TRPV4: variants seen among roughly 807,000 people sequenced by gnomAD.
The protein encoded by TRPV4 is transient receptor potential cation channel subfamily V member 4.
In TRPV4, 58 loss-of-function variants were observed where a neutral mutation model predicts 84.1. That is an observed-to-expected ratio of 0.69 (90% CI 0.56 to 0.86). The LOEUF is 0.86. Ranked by LOEUF, TRPV4 falls within the 40% of genes least tolerant of loss-of-function variation. The pLI is 0.00. For missense variants in TRPV4, 879 were observed against 1,181.1 expected, an observed-to-expected ratio of 0.74 and a Z score of 3.75; for synonymous variants, 489 against 500.9, an observed-to-expected ratio of 0.98 and a Z score of 0.32.
rs1333406383 is a variant in TRPV4, at chr12:109,815,991, G to T, written c.-31-1164C>A. ...CTGTAGCATGGTGCCAGCCAGGCAG[G>T]GCTGGGCACCAAGGGTGAGTTTCCT... On this transcript the variant is annotated intron_variant, in intron 1 of 15. Coordinates refer to ENST00000261740, the MANE Select transcript of TRPV4 (RefSeq NM_021625.5). This position sits in a 1 kb window ranked among gnomAD's most constrained non-coding sequence, Gnocchi z 4.1. Among the ~76,000 whole-genome samples, 1 of 152,244 alleles carries T rather than the reference G, an allele frequency of 6.6e-6. No individual in the cohort carries two copies. Among genetic ancestry groups the T allele is most frequent in the Non-Finnish European group, 1.5e-5 (1 of 68,044 alleles).
intron 3 of TRPV4, among the ~76,000 whole-genome samples, chr12:109,806,873 GA>G (rs533116934): frequency 0.21 from 19,244 of 93,758 alleles, 1,256 homozygotes; most frequent in South Asian, 0.3. Flanking sequence ...AAAAAAAAAA[GA>G]AAAAAAAAAA....
chr12:109,802,223 G>A (rs903101344), intron 4 of TRPV4, among the ~76,000 whole-genome samples: 3 of 150,208 alleles, frequency 2.0e-5, no homozygotes, highest in Admixed American at 6.6e-5. Flanking sequence ...TTGACCCTCT[G>A]AGCTCAAGTG....
intron 12 of TRPV4, 25 bp downstream of exon 12, chr12:109,792,338 G>A (rs745900221): frequency 1.2e-6 from 2 of 1,610,934 alleles, no homozygotes; most frequent in East Asian, 4.5e-5. Flanking sequence ...CCCCTGCCAG[G>A]ACCACCTGAG....
chr12:109,828,367 C>A (rs1892324070), intron 1 of TRPV4, among the ~76,000 whole-genome samples: 1 of 152,154 alleles, frequency 6.6e-6, no homozygotes, highest in Non-Finnish European at 1.5e-5. Flanking sequence ...AACCAATGCT[C>A]AGGAAGGGGC....
At position 109,793,488 on chromosome 12, in the gene TRPV4, C is replaced by T. The variant is rs760610613; in HGVS notation, c.1658+39G>A. 5.1e-6 allele frequency: 8 copies of T among 1,576,662 alleles called. No individual in the cohort carries two copies. In the Admixed American group the frequency reaches 6.7e-5, roughly 13 times the overall value. On this transcript the variant is annotated intron_variant, in intron 10 of 15. Transcript: ENST00000261740. This position sits in a 1 kb window ranked among gnomAD's most constrained non-coding sequence, Gnocchi z 4.0. The stretch of plus-strand genomic sequence containing the variant: ...CGACCTAGCAGCCCAAACCCACCTT[C>T]CTCACCCAGAAGCTGCCGGCCCAGG...
intron 1 of TRPV4, chr12:109,832,431 C>G (rs1214517794): frequency 6.6e-6 from 1 of 152,284 alleles, no homozygotes; most frequent in East Asian, 1.9e-4. Flanking sequence ...GGGTTCACGG[C>G]CCCTCTGCCC....
Position 109,794,478 on chromosome 12 carries a change from C to T in TRPV4, c.1342G>A (p.Glu448Lys), listed in dbSNP as rs373103155. Residue 448 changes from glutamate to lysine, a missense_variant, in exon 8 of 16, where the codon GAG becomes AAG. Coordinates refer to ENST00000261740, the MANE Select transcript of TRPV4 (RefSeq NM_021625.5). The stretch of plus-strand genomic sequence containing the variant: ...TTGATGGGCTCCACAGCCAGCATCT[C>T]GTGGCGGTTCTAAGAGAGGCAGGGT... ...VYNSKIENRH[E>K]MLAVEPINEL... The T allele has an allele frequency of 5.6e-6, 9 of 1,613,688 alleles. No homozygotes were observed. Among genetic ancestry groups the T allele is most frequent in the Admixed American group, 5.0e-5 (3 of 60,002 alleles).
chr12:109,828,602 G>A (rs185846687), intron 1 of TRPV4, among the ~76,000 whole-genome samples: 23 of 152,364 alleles, frequency 1.5e-4, no homozygotes, highest in Admixed American at 1.3e-3. Context: ...GCCACTTTCT[G>A]AGGTCACAGA....
intron 1 of TRPV4, among the ~76,000 whole-genome samples, chr12:109,823,260 G>T (rs942483100): frequency 1.3e-5 from 2 of 152,212 alleles, no homozygotes; most frequent in Admixed American, 6.5e-5. Flanking sequence ...GCCTGTCCAG[G>T]ACAGACAGAG....
intron 4 of TRPV4, among the ~76,000 whole-genome samples, chr12:109,801,420 G>C (rs1393687717): frequency 1.3e-5 from 2 of 152,178 alleles, no homozygotes. Context: ...GTCCTCAAGA[G>C]ATCTGATGAT....
At chr12:109,829,809 A>C (rs963774962) in intron 1 of TRPV4, among the ~76,000 whole-genome samples, 2 of 152,226 alleles carry the variant, frequency 1.3e-5, no homozygotes, top group Admixed American at 6.5e-5. Context: ...GTTTAAGCCC[A>C]GGCCTGTCTG....
chr12:109,792,895 C>A, intron 10 of TRPV4, 78 bp from the exon 11 acceptor site: 1 of 1,498,302 alleles, frequency 6.7e-7, no homozygotes, highest in Non-Finnish European at 9.2e-7. Flanking sequence ...GACACGCCTC[C>A]AAGCCCTCCA....
intron 1 of TRPV4, among the ~76,000 whole-genome samples, chr12:109,831,579 G>A (rs1453684875): frequency 6.6e-6 from 1 of 152,256 alleles, no homozygotes; most frequent in Non-Finnish European, 1.5e-5. Flanking sequence ...AGCTTGCAGA[G>A]AGCATTTGCT....
rs769107613 is a variant in TRPV4, at chr12:109,803,008, C to G, written c.695G>C (p.Arg232Pro). ...GGCCCCACCTCGATAGTAGATGTCA[C>G]GGAAGGGCGAGTTAATGAACTCCCT... is the stretch of plus-strand genomic sequence containing the variant. ...NMREFINSPF[R>P]DIYYRGQTAL... The change falls in exon 4 of 16, where the codon CGT becomes CCT. Residue 232 changes from arginine to proline, a missense_variant. By Grantham distance (103) the Arg-to-Pro change is moderately radical. Coordinates refer to ENST00000261740, the MANE Select transcript of TRPV4 (RefSeq NM_021625.5). The G allele has an allele frequency of 6.2e-7, 1 of 1,614,016 alleles. No individual in the cohort carries two copies. The highest frequency in any genetic ancestry group is 8.5e-7 in the Non-Finnish European group (1 of 1,180,014).
At position 109,786,919 on chromosome 12, in the gene TRPV4, G is replaced by T. The variant is rs567380291; in HGVS notation, c.2209-82C>A. ...GCTCTGGTGGCAGAAATGAGACAAC[G>T]GGCCAGGGTGGGCCCAGAACTAGGC... is the stretch of plus-strand genomic sequence containing the variant. On this transcript the variant is annotated intron_variant, in intron 13 of 15. Transcript: ENST00000261740. The surrounding 1 kb of genome is among the most constrained non-coding windows in gnomAD (Gnocchi z 4.5). 1.9e-6 allele frequency: 3 copies of T among 1,589,298 alleles called. No individual in the cohort carries two copies. Among genetic ancestry groups the T allele is most frequent in the Non-Finnish European group, 2.6e-6 (3 of 1,164,606 alleles).
In TRPV4 at chr12:109,813,836, GGAT is replaced by G. The variant is rs1392178619; in HGVS notation, c.386+572_386+574del. 9.2e-5 allele frequency among the ~76,000 whole-genome samples: 14 copies of G among 152,050 alleles called. No homozygotes were observed. The South Asian group carries it at 1.5e-3, about 16-fold the overall frequency. On this transcript the variant is annotated intron_variant, in intron 2 of 15. Coordinates refer to ENST00000261740, the MANE Select transcript of TRPV4 (RefSeq NM_021625.5). ...TAGACGAGTAGATGGACAGATGGAA[GGAT>G]GATGGATGAATGGATGGATGGATGA...
At chr12:109,805,608 C>T (rs964584646) in intron 3 of TRPV4, among the ~76,000 whole-genome samples, 1 of 152,130 alleles carries the variant, frequency 6.6e-6, no homozygotes, top group Non-Finnish European at 1.5e-5. Flanking sequence ...ATCAGATGAG[C>T]TCATGACCTT....
Position 109,792,770 on chromosome 12 carries a change from G to C in TRPV4, c.1706C>G (p.Ala569Gly), listed in dbSNP as rs1565864489. The C allele has an allele frequency of 6.2e-7, 1 of 1,614,084 alleles. No homozygotes were observed. Among genetic ancestry groups the C allele is most frequent in the Admixed American group, 1.7e-5 (1 of 60,014 alleles). ...LVIVSAALYL[A>G]GIEAYLAVMV... ...CACGGCCAGGTAGGCCTCGATCCCTGCCAGGTAGAGGGCTGCTGAGACGAT... is the reference window on the plus strand; with the variant it reads ...CACGGCCAGGTAGGCCTCGATCCCTCCCAGGTAGAGGGCTGCTGAGACGAT... The change falls in exon 11 of 16, where the codon GCA (alanine) becomes GGA (glycine). Residue 569 changes from alanine to glycine, a missense_variant. Transcript: ENST00000261740.
chr12:109,786,684 T>C lies in TRPV4; in HGVS notation c.2336+26A>G, dbSNP rs1889704401. 1 of 1,612,946 alleles carries C rather than the reference T, an allele frequency of 6.2e-7. No individual in the cohort carries two copies. On this transcript the variant is annotated intron_variant, in intron 14 of 15. Coordinates refer to ENST00000261740, the MANE Select transcript of TRPV4 (RefSeq NM_021625.5). The surrounding 1 kb of genome is among the most constrained non-coding windows in gnomAD (Gnocchi z 4.5). ...CAGTGGGGACAGTTCCGCCCTGCCA[T>C]CCTGGCCCCACTGCCCCAGCCTCAC... is the stretch of plus-strand genomic sequence containing the variant.
Sources: gnomAD v4.1 joint callset for allele counts (sites outside exome capture counted in the v4.1 genomes callset) on GRCh38, gnomAD v4.1.1 for gene constraint, Gnocchi (gnomAD v3.1) non-coding constraint, MANE v1.5 for transcripts, NCBI Gene and HGNC (gene_info 2026-07-23, HGNC 2026-07-21) for gene names.